Variants in PLEKHG3 observed in about 807,000 individuals in gnomAD.
PLEKHG3 encodes the protein pleckstrin homology and RhoGEF domain containing G3.
PLEKHG3 carries 62 observed loss-of-function variants against 94.9 expected under a neutral mutation model. The observed-to-expected ratio is 0.65, with a 90% CI of 0.53 to 0.81. The LOEUF (loss-of-function observed/expected upper bound fraction) is 0.81. Ranked by LOEUF, PLEKHG3 falls within the 30% of genes least tolerant of loss-of-function variation. The probability of loss-of-function intolerance (pLI) is 0.00; values close to 1 mark genes in which losing one functional copy is unlikely to be tolerated. For missense variants in PLEKHG3, 1,461 were observed against 1,619.3 expected, an observed-to-expected ratio of 0.90 and a Z score of 1.68; for synonymous variants, 614 against 654.0, an observed-to-expected ratio of 0.94 and a Z score of 0.93.
rs568474009 is a variant in PLEKHG3, at chr14:64,725,382, G to A, written c.-39-2211G>A. ...CCCTTTGTTCCCTGCTGGGATGGTG[G>A]TGGTGGGTGGGTGGGGTGCCTGACT... On this transcript the variant is annotated intron_variant, in intron 1 of 16. Coordinates refer to ENST00000247226, the MANE Select transcript of PLEKHG3 (RefSeq NM_001308147.2). The surrounding 1 kb of genome is among the most constrained non-coding windows in gnomAD (Gnocchi z 5.0). Among the ~76,000 whole-genome samples the A allele has an allele frequency of 6.6e-6, 1 of 151,476 alleles. No individual in the cohort carries two copies. The highest frequency in any genetic ancestry group is 1.9e-4 in the East Asian group (1 of 5,138).
chr14:64,713,226 A>G (rs1231173563), intron 1 of PLEKHG3, among the ~76,000 whole-genome samples: 8 of 152,208 alleles, frequency 5.3e-5, no homozygotes, highest in South Asian at 2.1e-4. Context: ...TTTTGTGTCT[A>G]TATTCATAAG....
chr14:64,727,293 A>G lies in PLEKHG3; in HGVS notation c.-39-300A>G, dbSNP rs1024733745. Among the ~76,000 whole-genome samples the G allele has an allele frequency of 1.3e-5, 2 of 152,188 alleles. No individual in the cohort carries two copies. The highest frequency in any genetic ancestry group is 4.8e-5 in the African/African-American group (2 of 41,426). The stretch of plus-strand genomic sequence containing the variant: ...ATCAGTGCTCATAGAGTCTGAGAAC[A>G]GGGCCCTTCTTGGGATTCAGTTTTG... On this transcript the variant is annotated intron_variant, in intron 1 of 16. Transcript: ENST00000247226. This position sits in a 1 kb window ranked among gnomAD's most constrained non-coding sequence, Gnocchi z 6.0.
At position 64,727,941 on chromosome 14, in the gene PLEKHG3, A is replaced by T. The variant is rs1436595068; in HGVS notation, c.310A>T (p.Thr104Ser). ...LGRVVREIVETERMYVQDLRS... is the reference protein window; with the variant it reads ...LGRVVREIVESERMYVQDLRS... ...CCGAGTGGTGCGGGAGATCGTGGAG[A>T]CAGAGCGCATGTACGTACAGGACCT... The change falls in exon 2 of 17, where the codon ACA (threonine) becomes TCA (serine). Residue 104 changes from threonine (T) to serine (S), a missense_variant. Physicochemically the swap from Thr to Ser is moderately conservative, Grantham distance 58. Transcript: ENST00000247226. This position sits in a 1 kb window ranked among gnomAD's most constrained non-coding sequence, Gnocchi z 6.0. 1.2e-6 allele frequency: 2 copies of T among 1,605,288 alleles called. No individual in the cohort carries two copies. The highest frequency in any genetic ancestry group is 2.7e-5 in the African/African-American group (2 of 74,794).
Position 64,741,206 on chromosome 14 carries a change from C to T in PLEKHG3, c.1689C>T (p.Phe563=), listed in dbSNP as rs141893518. Residue 563 remains phenylalanine, a synonymous_variant, in exon 16 of 17, where the codon TTC becomes TTT. Transcript: ENST00000247226. ...GMDPPGDMVD[F]VAAESTEDLK... ...ACCCCCCAGGTGACATGGTGGACTT[C>T]GTGGCAGCTGAGAGCACTGAGGACC... 58 of 1,614,026 alleles carry T rather than the reference C, an allele frequency of 3.6e-5. No individual in the cohort carries two copies. In the African/African-American group the frequency reaches 5.5e-4, roughly 15 times the overall value.
intron 1 of PLEKHG3, among the ~76,000 whole-genome samples, chr14:64,706,485 G>A (rs2080972888): frequency 6.6e-6 from 1 of 152,204 alleles, no homozygotes; most frequent in Non-Finnish European, 1.5e-5. Context: ...TAGGAGCTGT[G>A]GTGAGGATCA....
rs745315650 is a variant in PLEKHG3, at chr14:64,747,442, A to C, written c.*3739A>C. 1.6e-4 allele frequency: 24 copies of C among 152,668 alleles called. No individual in the cohort carries two copies. The highest frequency in any genetic ancestry group is 2.8e-4 in the Non-Finnish European group (19 of 68,032). The allele number at this position is 152,668 out of a possible 1,614,324, so 9.5% of individuals were successfully genotyped here. On this transcript the variant is annotated 3_prime_UTR_variant, in exon 17 of 17. Coordinates refer to ENST00000247226, the MANE Select transcript of PLEKHG3 (RefSeq NM_001308147.2). ...GTGATACACACTAGGTTCCCTGTAT[A>C]GGGTCATATGTACCAAAGCCAAATG...
At position 64,741,813 on chromosome 14, in the gene PLEKHG3, G is replaced by C; in HGVS notation, c.2296G>C (p.Glu766Gln). The C allele has an allele frequency of 6.2e-7, 1 of 1,613,612 alleles. No homozygotes were observed. Among genetic ancestry groups the C allele is most frequent in the Non-Finnish European group, 8.5e-7 (1 of 1,180,026 alleles). ...CAACAGCCTTCCCCGGCCAGACCCA[G>C]AGCCAGTACCTCCAGTGGGGAGCAA... is the stretch of plus-strand genomic sequence containing the variant. Reference protein sequence around the residue: ...RFNSLPRPDPEPVPPVGSKRQ... With the variant: ...RFNSLPRPDPQPVPPVGSKRQ... The change falls in exon 16 of 17, where the codon GAG becomes CAG. Residue 766 changes from glutamate to glutamine, a missense_variant. By Grantham distance (29) the Glu-to-Gln change is conservative (BLOSUM62 2). This residue lies in a region of PLEKHG3 where 1,201 missense variants were observed against 1,295.5 expected (regional missense o/e 0.93). Coordinates refer to ENST00000247226, the MANE Select transcript of PLEKHG3 (RefSeq NM_001308147.2).
At chr14:64,714,472 G>A (rs138325804) in intron 1 of PLEKHG3, among the ~76,000 whole-genome samples, 146 of 152,190 alleles carry the variant, frequency 9.6e-4, no homozygotes, top group Non-Finnish European at 1.9e-3. Context: ...CTTTTTCATA[G>A]CACTTACACT....
At chr14:64,735,641 A>G (rs1229200543) in intron 12 of PLEKHG3, among the ~76,000 whole-genome samples, 1 of 152,260 alleles carries the variant, frequency 6.6e-6, no homozygotes, top group South Asian at 2.1e-4. Context: ...AAACAAAAAA[A>G]GAAATCAATC....
rs921781150 is a variant in PLEKHG3, at chr14:64,722,248, C to T, written c.-39-5345C>T. ...TTTGTTTTTGAGATGGAGTTTCGCT[C>T]TCATTGCCTAGGCTGGAGTGCAGTG... On this transcript the variant is annotated intron_variant, in intron 1 of 16. Coordinates refer to ENST00000247226, the MANE Select transcript of PLEKHG3 (RefSeq NM_001308147.2). The surrounding 1 kb of genome is among the most constrained non-coding windows in gnomAD (Gnocchi z 4.3). 1.3e-5 allele frequency among the ~76,000 whole-genome samples: 2 copies of T among 152,102 alleles called. No individual in the cohort carries two copies.
chr14:64,732,584 T>A lies in PLEKHG3; in HGVS notation c.1246+124T>A. ...AGCAGGGAGGGCGGGGGTCTCCTGT[T>A]AAGGGCTGGGGGGTGAACTACATGA... On this transcript the variant is annotated intron_variant, in intron 11 of 16. Transcript: ENST00000247226. This position sits in a 1 kb window ranked among gnomAD's most constrained non-coding sequence, Gnocchi z 4.9. The A allele has an allele frequency of 1.1e-6, 1 of 870,356 alleles. No homozygotes were observed. Among genetic ancestry groups the A allele is most frequent in the Non-Finnish European group, 1.9e-6 (1 of 515,584 alleles). 53.9% of individuals were successfully genotyped at this position (870,356 alleles called of 1,614,324 possible). A position where few individuals can be genotyped will look rare whatever the true frequency, so the allele number is the denominator to read the frequency against.
At chr14:64,735,790 C>T (rs1003080540) in intron 12 of PLEKHG3, among the ~76,000 whole-genome samples, 1 of 152,186 alleles carries the variant, frequency 6.6e-6, no homozygotes, top group African/African-American at 2.4e-5. Flanking sequence ...GCTTCTGCTT[C>T]CCACTCAGAG....
chr14:64,738,080 C>G lies in PLEKHG3; in HGVS notation c.1405-662C>G. ...ACGAGAAGGGGGCTGGGCCGGAGCC[C>G]CCAGGCTCAGAGGAGGAGGAGGAGG... On this transcript the variant is annotated intron_variant, in intron 14 of 16. Coordinates refer to ENST00000247226, the MANE Select transcript of PLEKHG3 (RefSeq NM_001308147.2). The surrounding 1 kb of genome is among the most constrained non-coding windows in gnomAD (Gnocchi z 4.8). 1 of 1,301,654 alleles carries G rather than the reference C, an allele frequency of 7.7e-7. No homozygotes were observed. Among genetic ancestry groups the G allele is most frequent in the Non-Finnish European group, 1.0e-6 (1 of 995,984 alleles). The allele number at this position is 1,301,654 out of a possible 1,614,324, so 80.6% of individuals were successfully genotyped here.
In PLEKHG3 at chr14:64,747,299, C is replaced by G. The variant is rs937465511; in HGVS notation, c.*3596C>G. 1 of 152,626 alleles carries G rather than the reference C, an allele frequency of 6.6e-6. No individual in the cohort carries two copies. Among genetic ancestry groups the G allele is most frequent in the East Asian group, 1.9e-4 (1 of 5,198 alleles). The allele number at this position is 152,626 out of a possible 1,614,324, so 9.5% of individuals were successfully genotyped here. ...CACCATCTGCCCTTCAGCAAGGAAC[C>G]TGCTCTCTGCCCCAGAGGAGGACAT... On this transcript the variant is annotated 3_prime_UTR_variant, in exon 17 of 17. Coordinates refer to ENST00000247226, the MANE Select transcript of PLEKHG3 (RefSeq NM_001308147.2).
rs2081192698 is a variant in PLEKHG3, at chr14:64,717,665, C to T, written c.-39-9928C>T. ...TTCATATTGGGTCTCATTTCTTCCC[C>T]CTTTGCAAGGGTTGGAATGGGTCTC... On this transcript the variant is annotated intron_variant, in intron 1 of 16. Transcript: ENST00000247226. The surrounding 1 kb of genome is among the most constrained non-coding windows in gnomAD (Gnocchi z 4.7). 1.3e-5 allele frequency among the ~76,000 whole-genome samples: 2 copies of T among 152,176 alleles called. No individual in the cohort carries two copies. The highest frequency in any genetic ancestry group is 2.9e-5 in the Non-Finnish European group (2 of 68,024).
intron 15 of PLEKHG3, among the ~76,000 whole-genome samples, chr14:64,740,552 A>G (rs762157415): frequency 6.6e-6 from 1 of 152,186 alleles, no homozygotes; most frequent in Non-Finnish European, 1.5e-5. Context: ...CCTGAGGAAA[A>G]TGAAATGGCC....
intron 1 of PLEKHG3, among the ~76,000 whole-genome samples, chr14:64,724,398 A>G (rs1330725442): frequency 4.7e-5 from 7 of 147,404 alleles, no homozygotes; most frequent in African/African-American, 1.9e-4. Flanking sequence ...CCTCCTGCCC[A>G]AGAGAGAGAG....
chr14:64,743,290 C>T lies in PLEKHG3; in HGVS notation c.3247C>T (p.Pro1083Ser). The T allele has an allele frequency of 6.2e-7, 1 of 1,608,006 alleles. No homozygotes were observed. The highest frequency in any genetic ancestry group is 8.5e-7 in the Non-Finnish European group (1 of 1,179,082). Residue 1083 changes from proline to serine, a missense_variant, in exon 17 of 17, where the codon CCG becomes TCG. By Grantham distance (74) the Pro-to-Ser change is moderately conservative (BLOSUM62 -1). This residue lies in a region of PLEKHG3 where 1,201 missense variants were observed against 1,295.5 expected (regional missense o/e 0.93). Coordinates refer to ENST00000247226, the MANE Select transcript of PLEKHG3 (RefSeq NM_001308147.2). This position sits in a 1 kb window ranked among gnomAD's most constrained non-coding sequence, Gnocchi z 7.2. ...GPPVNRSHSV[P>S]ENMVEPPLSG... ...ACCCGTCAACAGGAGCCACTCGGTG[C>T]CGGAGAACATGGTAGAGCCACCTCT...
chr14:64,716,511 A>ACACACAC lies in PLEKHG3; in HGVS notation c.-39-11081_-39-11075dup, dbSNP rs2081163667. ...ACACACACACAACACACACACACAC[A>ACACACAC]CACACACACACACACACACACACAC... is the stretch of plus-strand genomic sequence containing the variant. On this transcript the variant is annotated intron_variant, in intron 1 of 16. Transcript: ENST00000247226. This position sits in a 1 kb window ranked among gnomAD's most constrained non-coding sequence, Gnocchi z 5.0. Among the ~76,000 whole-genome samples, 2 of 132,060 alleles carry ACACACAC rather than the reference A, an allele frequency of 1.5e-5. No homozygotes were observed. Among genetic ancestry groups the ACACACAC allele is most frequent in the Non-Finnish European group, 1.6e-5 (1 of 60,880 alleles). 86.6% of individuals were successfully genotyped at this position (132,060 alleles called of 152,430 possible).
Sources: gnomAD v4.1 joint callset for allele counts (sites outside exome capture counted in the v4.1 genomes callset) on GRCh38, gnomAD v4.1.1 for gene constraint, gnomAD v4.1.1 regional missense constraint, Gnocchi (gnomAD v3.1) non-coding constraint, MANE v1.5 for transcripts, NCBI Gene and HGNC (gene_info 2026-07-23, HGNC 2026-07-21) for gene names.